NFIA: variants seen among roughly 807,000 people sequenced by gnomAD.
The protein encoded by NFIA is nuclear factor 1 A-type.
NFIA carries 8 observed loss-of-function variants against 62.8 expected under a neutral mutation model. The ratio of observed to expected loss-of-function variants is 0.13; its 90% CI spans 0.07 to 0.23. The LOEUF is 0.23. Among genes scored for constraint, NFIA ranks in the 10% least tolerant of loss-of-function variants. The pLI is 1.00. For synonymous variants in NFIA, 235 were observed against 238.1 expected, an observed-to-expected ratio of 0.99 and a Z score of 0.12; for missense variants, 410 against 642.1, an observed-to-expected ratio of 0.64 and a Z score of 3.91.
intron 6 of NFIA, among the ~76,000 whole-genome samples, chr1:61,366,789 G>T (rs1331419530): frequency 1.3e-5 from 2 of 152,090 alleles, no homozygotes; most frequent in South Asian, 4.2e-4. Context: ...TGGGCGTGGC[G>T]GCGCCCTCCT....
upstream of NFIA, chr1:61,077,336 G>A (rs1646044349): frequency 5.9e-6 from 2 of 338,138 alleles, no homozygotes; most frequent in Admixed American, 9.3e-5. Flanking sequence ...GCCCGGGTTG[G>A]ATCGCTTTCA....
At chr1:61,422,992 G>C (rs899039223) in intron 9 of NFIA, among the ~76,000 whole-genome samples, 2 of 152,108 alleles carry the variant, frequency 1.3e-5, no homozygotes, top group African/African-American at 2.4e-5. Flanking sequence ...CTACCATAAG[G>C]GGGTAACACA....
chr1:61,317,740 T>G (rs1660444146), intron 3 of NFIA, among the ~76,000 whole-genome samples: 1 of 152,104 alleles, frequency 6.6e-6, no homozygotes, highest in African/African-American at 2.4e-5. Flanking sequence ...TGTGGTTATT[T>G]CTTAATTTTT....
At position 61,462,430 on chromosome 1, in the gene NFIA, T is replaced by G. The variant is rs1011626768; in HGVS notation, c.*7110T>G. 2.0e-5 allele frequency: 3 copies of G among 152,154 alleles called. No individual in the cohort carries two copies. Among genetic ancestry groups the G allele is most frequent in the Admixed American group, 1.3e-4 (2 of 15,276 alleles). The allele number at this position is 152,154 out of a possible 1,614,324, so 9.4% of individuals were successfully genotyped here. On this transcript the variant is annotated 3_prime_UTR_variant, in exon 11 of 11. Coordinates refer to ENST00000403491, the MANE Select transcript of NFIA (RefSeq NM_001134673.4). ...TTGTAGGGGGAGGGGATGGAACACT[T>G]CCAGTGATGGTAAGAGATCTGTTAT... is the stretch of plus-strand genomic sequence containing the variant.
chr1:61,196,760 G>C (rs547426090), intron 2 of NFIA, among the ~76,000 whole-genome samples: 6 of 152,240 alleles, frequency 3.9e-5, no homozygotes, highest in African/African-American at 1.4e-4. Flanking sequence ...TTAATCTTCA[G>C]CTTATTTTGT....
At chr1:61,097,491 A>G (rs1646435927) in intron 2 of NFIA, among the ~76,000 whole-genome samples, 1 of 152,196 alleles carries the variant, frequency 6.6e-6, no homozygotes. Flanking sequence ...TTTGCCAGCC[A>G]GTGATTGGGT....
intron 2 of NFIA, among the ~76,000 whole-genome samples, chr1:61,181,348 T>G (rs946272903): frequency 1.2e-4 from 19 of 152,326 alleles, no homozygotes; most frequent in African/African-American, 4.3e-4. Flanking sequence ...CAGACAGTAA[T>G]GTACATTGTT....
intron 1 of NFIA, among the ~76,000 whole-genome samples, chr1:61,085,583 T>G (rs938841225): frequency 6.6e-6 from 1 of 152,116 alleles, no homozygotes; most frequent in Admixed American, 6.5e-5. Flanking sequence ...TTTTTTTAAC[T>G]AATCATTTAT....
chr1:61,383,183 C>A, intron 6 of NFIA, 54 bp from the exon 7 acceptor site: 1 of 1,598,270 alleles, frequency 6.3e-7, no homozygotes, highest in Non-Finnish European at 8.6e-7. Flanking sequence ...TTAGGTTGCA[C>A]AAATCATTGT....
At chr1:61,387,160 C>G (rs947110341) in intron 7 of NFIA, among the ~76,000 whole-genome samples, 1 of 152,128 alleles carries the variant, frequency 6.6e-6, no homozygotes, top group African/African-American at 2.4e-5. Context: ...CACAAAATCT[C>G]AGGGGGTCAG....
At position 61,443,220 on chromosome 1, in the gene NFIA, C is replaced by T. The variant is rs562920511; in HGVS notation, c.1513-12083C>T. Among the ~76,000 whole-genome samples, 12 of 152,198 alleles carry T rather than the reference C, an allele frequency of 7.9e-5. No homozygotes were observed. The South Asian group carries it at 8.3e-4, about 11-fold the overall frequency. The stretch of plus-strand genomic sequence containing the variant: ...ACATGAAGATGAGGTTTCTGTCTTC[C>T]GCCAGACAGAGAGGAATCCCCTTCC... On this transcript the variant is annotated intron_variant, in intron 10 of 10. Coordinates refer to ENST00000403491, the MANE Select transcript of NFIA (RefSeq NM_001134673.4).
chr1:61,356,188 T>C (rs1046669932), intron 5 of NFIA, among the ~76,000 whole-genome samples: 2 of 152,198 alleles, frequency 1.3e-5, no homozygotes, highest in African/African-American at 4.8e-5. Context: ...TAGTATCTTC[T>C]GTTAGCCAGA....
At chr1:61,450,960 C>G (rs1168080175) in intron 10 of NFIA, among the ~76,000 whole-genome samples, 7 of 152,180 alleles carry the variant, frequency 4.6e-5, no homozygotes, top group Non-Finnish European at 1.0e-4. Flanking sequence ...TTGTTGCACA[C>G]ATTAGAGCAT....
At position 61,287,730 on chromosome 1, in the gene NFIA, C is replaced by T. The variant is rs367704984; in HGVS notation, c.625+10145C>T. Among the ~76,000 whole-genome samples the T allele has an allele frequency of 7.1e-4, 107 of 151,638 alleles. 2 individuals are homozygous for T. The South Asian group carries it at 0.022, about 30-fold the overall frequency. On this transcript the variant is annotated intron_variant, in intron 3 of 10. Transcript: ENST00000403491. The stretch of plus-strand genomic sequence containing the variant: ...AACAGTGAATAATTTTTTAGTACTG[C>T]GTGAAATATACTTACACAAACAAAG...
chr1:61,357,792 C>G (rs6697913), intron 5 of NFIA, among the ~76,000 whole-genome samples: 1 of 151,964 alleles, frequency 6.6e-6, no homozygotes. Flanking sequence ...CATACGAAAA[C>G]TTCTGTCCCC....
In NFIA at chr1:61,306,269, C is replaced by CTTTTT. The variant is rs774297484; in HGVS notation, c.626-26222_626-26218dup. Among the ~76,000 whole-genome samples the CTTTTT allele has an allele frequency of 3.6e-3, 219 of 60,592 alleles. 28 individuals carry two copies. The highest frequency in any genetic ancestry group is 0.019 in the East Asian group (27 of 1,402). The allele number at this position is 60,592 out of a possible 152,430, so 39.8% of individuals were successfully genotyped here. Reference sequence around the variant, plus strand: ...TCATCCTGGAGACCCAGATTTTGTTCTTTTTTTTTTTTTTTTTTTTTTTTT... The same window carrying CTTTTT: ...TCATCCTGGAGACCCAGATTTTGTTCTTTTTTTTTTTTTTTTTTTTTTTTTTTTTT... On this transcript the variant is annotated intron_variant, in intron 3 of 10. Transcript: ENST00000403491.
chr1:61,390,774 C>T (rs1367726604), intron 7 of NFIA, among the ~76,000 whole-genome samples: 1 of 152,128 alleles, frequency 6.6e-6, no homozygotes, highest in Non-Finnish European at 1.5e-5. Flanking sequence ...ATGGCAGGGC[C>T]TATTAGGGCA....
intron 2 of NFIA, among the ~76,000 whole-genome samples, chr1:61,166,404 C>T (rs546892625): frequency 1.3e-5 from 2 of 152,086 alleles, no homozygotes; most frequent in African/African-American, 2.4e-5. Flanking sequence ...AACCCAGCTC[C>T]GTCTGTGTTC....
intron 7 of NFIA, among the ~76,000 whole-genome samples, chr1:61,390,375 G>T (rs1258099625): frequency 1.3e-5 from 2 of 151,870 alleles, no homozygotes; most frequent in Non-Finnish European, 2.9e-5. Context: ...AAAATTGCCT[G>T]GATTCTGAAA....
Sources: gnomAD v4.1 joint callset for allele counts (sites outside exome capture counted in the v4.1 genomes callset) on GRCh38, gnomAD v4.1.1 for gene constraint, MANE v1.5 for transcripts, NCBI Gene and HGNC (gene_info 2026-07-23, HGNC 2026-07-21) for gene names.